Variants in C8orf34 observed in about 807,000 individuals in gnomAD.
The protein encoded by C8orf34 is chromosome 8 open reading frame 34.
Under a neutral mutation model 68.3 loss-of-function variants are expected in C8orf34, and 65 were observed. The observed-to-expected ratio is 0.95, with a 90% confidence interval of 0.78 to 1.17. C8orf34 has a LOEUF of 1.17. Ranked by LOEUF, C8orf34 falls within the 50% of genes most tolerant of loss-of-function variation. The pLI is 0.00. For synonymous variants in C8orf34, 244 were observed against 241.2 expected (o/e 1.01, Z -0.11); for missense variants, 664 against 655.4 (o/e 1.01, Z -0.14).
intron 5 of C8orf34, among the ~76,000 whole-genome samples, chr8:68,492,234 T>C (rs1563483159): frequency 1.3e-5 from 2 of 152,118 alleles, no homozygotes. Context: ...CTTTTATTTA[T>C]TTTATTTTTA....
intron 10 of C8orf34, among the ~76,000 whole-genome samples, chr8:68,767,440 C>T (rs1284322516): frequency 6.6e-6 from 1 of 152,168 alleles, no homozygotes; most frequent in Non-Finnish European, 1.5e-5. Context: ...CTCCTCCATC[C>T]CTTGCATTTG....
chr8:68,631,042 A>G (rs1449671781), intron 7 of C8orf34, among the ~76,000 whole-genome samples: 1 of 150,600 alleles, frequency 6.6e-6, no homozygotes, highest in African/African-American at 2.5e-5. Flanking sequence ...AAGCGGGCAG[A>G]TCACTTGAGG....
intron 7 of C8orf34, among the ~76,000 whole-genome samples, chr8:68,636,789 T>C (rs1283913337): frequency 6.6e-6 from 1 of 152,132 alleles, no homozygotes; most frequent in African/African-American, 2.4e-5. Context: ...AATCATCTGC[T>C]GAGAGAGTGG....
intron 12 of C8orf34, among the ~76,000 whole-genome samples, chr8:68,807,980 CT>C (rs934881174): frequency 8.7e-4 from 130 of 149,754 alleles, no homozygotes; most frequent in African/African-American, 2.8e-3. Context: ...TACAACTCCA[CT>C]TTTTTTTTTC....
At chr8:68,536,587 A>G (rs527537732) in intron 7 of C8orf34, among the ~76,000 whole-genome samples, 44 of 152,016 alleles carry the variant, frequency 2.9e-4, no homozygotes, top group African/African-American at 9.4e-4. Flanking sequence ...TATGATTGAT[A>G]TTCATTTAAA....
chr8:68,713,516 A>T (rs1278361800), intron 9 of C8orf34, among the ~76,000 whole-genome samples: 3 of 152,176 alleles, frequency 2.0e-5, no homozygotes, highest in Non-Finnish European at 4.4e-5. Flanking sequence ...ATTCAAGGCC[A>T]CTATGAACAC....
chr8:68,743,673 G>A (rs558492319), intron 10 of C8orf34, among the ~76,000 whole-genome samples: 3 of 152,324 alleles, frequency 2.0e-5, no homozygotes, highest in African/African-American at 4.8e-5. Context: ...GCGCTTTCCC[G>A]ACGGGCTTAA....
intron 7 of C8orf34, among the ~76,000 whole-genome samples, chr8:68,613,050 A>G (rs937529744): frequency 6.6e-6 from 1 of 152,160 alleles, no homozygotes; most frequent in Non-Finnish European, 1.5e-5. Flanking sequence ...TATACAAAGT[A>G]TGGCTATTTT....
At chr8:68,563,728 C>T (rs911433240) in intron 7 of C8orf34, among the ~76,000 whole-genome samples, 8 of 151,302 alleles carry the variant, frequency 5.3e-5, no homozygotes, top group Non-Finnish European at 7.4e-5. Context: ...TGCAGTGGTA[C>T]TTAGATAAAT....
chr8:68,563,350 A>G (rs889882283), intron 7 of C8orf34, among the ~76,000 whole-genome samples: 1 of 152,200 alleles, frequency 6.6e-6, no homozygotes, highest in African/African-American at 2.4e-5. Context: ...AACTCTAAAT[A>G]TATCTAGCTC....
At chr8:68,483,626 A>G (rs1812952891) in intron 4 of C8orf34, among the ~76,000 whole-genome samples, 1 of 152,238 alleles carries the variant, frequency 6.6e-6, no homozygotes, top group African/African-American at 2.4e-5. Context: ...CATTCCCAGA[A>G]CTGGGTTGAT....
At chr8:68,621,544 C>A (rs578069872) in intron 7 of C8orf34, among the ~76,000 whole-genome samples, 1 of 152,204 alleles carries the variant, frequency 6.6e-6, no homozygotes, top group East Asian at 1.9e-4. Flanking sequence ...CTACGGTCAA[C>A]TTGGTTATGT....
intron 9 of C8orf34, among the ~76,000 whole-genome samples, chr8:68,709,375 C>T (rs931905776): frequency 1.2e-4 from 18 of 152,166 alleles, no homozygotes; most frequent in Admixed American, 1.3e-4. Context: ...CTAATTCAAA[C>T]TTGTCTTTAG....
intron 7 of C8orf34, among the ~76,000 whole-genome samples, chr8:68,583,767 C>A (rs947888159): frequency 2.0e-5 from 3 of 151,876 alleles, no homozygotes; most frequent in Admixed American, 2.0e-4. Flanking sequence ...CAAATTAGAG[C>A]AAATTTGAAG....
intron 12 of C8orf34, 187 bp downstream of exon 12, chr8:68,787,723 T>C: frequency 2.3e-6 from 1 of 434,870 alleles, no homozygotes; most frequent in Non-Finnish European, 4.2e-6. Flanking sequence ...ATCTTAATTA[T>C]GGTACAGAGA....
At chr8:68,793,836 A>T (rs1000337471) in intron 12 of C8orf34, among the ~76,000 whole-genome samples, 13 of 152,374 alleles carry the variant, frequency 8.5e-5, no homozygotes, top group African/African-American at 3.1e-4. Flanking sequence ...GATTAAAAAA[A>T]TTACTGGCAA....
At chr8:68,810,228 G>T (rs1363629216) in intron 12 of C8orf34, among the ~76,000 whole-genome samples, 1 of 152,208 alleles carries the variant, frequency 6.6e-6, no homozygotes, top group Non-Finnish European at 1.5e-5. Flanking sequence ...GTGCGTGAGT[G>T]AGCGGGCACA....
At chr8:68,789,951 T>C (rs1823946812) in intron 12 of C8orf34, among the ~76,000 whole-genome samples, 1 of 152,210 alleles carries the variant, frequency 6.6e-6, no homozygotes, top group African/African-American at 2.4e-5. Context: ...AAATATTTGA[T>C]CTTAGCAATG....
intron 12 of C8orf34, among the ~76,000 whole-genome samples, chr8:68,795,360 T>G (rs1343851999): frequency 6.6e-6 from 1 of 152,014 alleles, no homozygotes; most frequent in Non-Finnish European, 1.5e-5. Flanking sequence ...GGGCCACAAT[T>G]TCTTGTTTCT....
Sources: gnomAD v4.1 joint callset for allele counts (sites outside exome capture counted in the v4.1 genomes callset) on GRCh38, gnomAD v4.1.1 for gene constraint, MANE v1.5 for transcripts, NCBI Gene and HGNC (gene_info 2026-07-23, HGNC 2026-07-21) for gene names.